The following EML6 variants were observed in gnomAD, a reference collection of about 807,000 sequenced individuals.
EML6 encodes EMAP like 6, also known as echinoderm microtubule-associated protein-like 6.
Under a neutral mutation model 240.1 loss-of-function variants are expected in EML6, and 154 were observed. The ratio of observed to expected loss-of-function variants is 0.64; its 90% confidence interval spans 0.56 to 0.73. EML6 has a LOEUF of 0.73. Among genes scored for constraint, EML6 ranks in the 30% least tolerant of loss-of-function variants. EML6 has a pLI of 0.00. For missense variants in EML6, 2,964 were observed against 2,474.6 expected (o/e 1.20, Z -4.20); for synonymous variants, 1,148 against 899.0 (o/e 1.28, Z -4.95).
intron 2 of EML6, among the ~76,000 whole-genome samples, chr2:54,755,554 C>G (rs1471396877): frequency 1.3e-5 from 2 of 152,180 alleles, no homozygotes; most frequent in African/African-American, 4.8e-5. Flanking sequence ...GAAGTCTTAT[C>G]CATCTTTTGA....
At chr2:54,821,452 A>G (rs1227100069) in intron 5 of EML6, among the ~76,000 whole-genome samples, 1 of 152,178 alleles carries the variant, frequency 6.6e-6, no homozygotes, top group Non-Finnish European at 1.5e-5. Context: ...TTACAAATGT[A>G]TCATTTATCT....
intron 10 of EML6, among the ~76,000 whole-genome samples, chr2:54,852,089 T>C (rs1051105949): frequency 6.6e-6 from 1 of 152,254 alleles, no homozygotes; most frequent in Non-Finnish European, 1.5e-5. Flanking sequence ...TTGAGGATCA[T>C]AGTCCTTATT....
intron 5 of EML6, among the ~76,000 whole-genome samples, chr2:54,823,241 A>C (rs1225230408): frequency 6.6e-6 from 1 of 152,198 alleles, no homozygotes; most frequent in African/African-American, 2.4e-5. Context: ...GCATGTTGTC[A>C]GGATGGAGAT....
intron 21 of EML6, among the ~76,000 whole-genome samples, chr2:54,895,982 C>G (rs1438202233): frequency 2.0e-5 from 3 of 152,212 alleles, no homozygotes; most frequent in Admixed American, 6.5e-5. Context: ...TTGCCATATG[C>G]TGTTGGTTAG....
intron 26 of EML6, among the ~76,000 whole-genome samples, chr2:54,923,415 A>G (rs182532918): frequency 1.7e-4 from 25 of 146,900 alleles, no homozygotes; most frequent in Admixed American, 1.2e-3. Flanking sequence ...AATGGTAACT[A>G]TGTCATGATT....
intron 19 of EML6, among the ~76,000 whole-genome samples, chr2:54,893,440 C>A (rs937630428): frequency 1.3e-5 from 2 of 152,096 alleles, no homozygotes; most frequent in Admixed American, 1.3e-4. Context: ...GTAATGAACC[C>A]ACTCCTACAA....
At chr2:54,817,842 G>C (rs1206308845) in intron 4 of EML6, among the ~76,000 whole-genome samples, 1 of 150,618 alleles carries the variant, frequency 6.6e-6, no homozygotes, top group Non-Finnish European at 1.5e-5. Flanking sequence ...TTGATCTATG[G>C]AGGTTTGTAG....
intron 12 of EML6, among the ~76,000 whole-genome samples, chr2:54,860,051 C>G (rs1670594355): frequency 6.6e-6 from 1 of 152,202 alleles, no homozygotes; most frequent in East Asian, 1.9e-4. Flanking sequence ...AGTTGAGAAA[C>G]TCCTACCCAC....
chr2:54,847,997 C>T (rs1410988989), intron 9 of EML6, among the ~76,000 whole-genome samples: 1 of 152,196 alleles, frequency 6.6e-6, no homozygotes, highest in Non-Finnish European at 1.5e-5. Context: ...TTTCTAAAAT[C>T]TAATGAATAA....
At chr2:54,929,966 A>G (rs1372703749) in intron 28 of EML6, among the ~76,000 whole-genome samples, 4 of 152,230 alleles carry the variant, frequency 2.6e-5, no homozygotes, top group Non-Finnish European at 5.9e-5. Context: ...ATAATTTTTA[A>G]AAGTCCTAAT....
At chr2:54,926,600 G>C (rs1001485261) in intron 26 of EML6, among the ~76,000 whole-genome samples, 21 of 152,220 alleles carry the variant, frequency 1.4e-4, no homozygotes, top group African/African-American at 5.1e-4. Flanking sequence ...ATACATCCCT[G>C]CCAGTGTCTT....
At chr2:54,867,283 G>A (rs58139610) in intron 14 of EML6, 5,973 of 155,504 alleles carry the variant, frequency 0.038, 404 homozygotes, top group African/African-American at 0.13. Context: ...CTGCACATGT[G>A]CCCAACATAA....
intron 26 of EML6, among the ~76,000 whole-genome samples, chr2:54,926,765 T>G (rs1674568899): frequency 6.6e-6 from 1 of 152,206 alleles, no homozygotes; most frequent in South Asian, 2.1e-4. Context: ...TCAGTGGCCC[T>G]GAATTTTTTC....
In EML6 at chr2:54,957,954, G is replaced by A; in HGVS notation, c.4651G>A (p.Gly1551Arg). Reference protein sequence around the residue: ...LYKKGVIGSLGAAKMQTMLSV... With the variant: ...LYKKGVIGSLRAAKMQTMLSV... ...CAAGAAAGGGGTCATCGGGTCCCTG[G>A]GAGCTGCCAAAATGCAGACGATGCT... The change falls in exon 33 of 42, where the codon GGA (glycine) becomes AGA (arginine). Residue 1551 changes from glycine (G) to arginine (R), a missense_variant. Coordinates refer to ENST00000356458, the MANE Select transcript of EML6 (RefSeq NM_001039753.4). The A allele has an allele frequency of 6.4e-7, 1 of 1,551,586 alleles. No individual in the cohort carries two copies. Among genetic ancestry groups the A allele is most frequent in the South Asian group, 1.2e-5 (1 of 84,054 alleles).
At chr2:54,930,041 A>G (rs996686846) in intron 28 of EML6, among the ~76,000 whole-genome samples, 1 of 152,342 alleles carries the variant, frequency 6.6e-6, no homozygotes, top group Admixed American at 6.5e-5. Flanking sequence ...TCCCACTTAA[A>G]TAATCCAATC....
intron 10 of EML6, among the ~76,000 whole-genome samples, chr2:54,850,707 G>A (rs1002554900): frequency 1.3e-5 from 2 of 152,200 alleles, no homozygotes; most frequent in East Asian, 1.9e-4. Context: ...GTCTGATGGC[G>A]AGAAGAGGGG....
chr2:54,930,088 G>GA (rs891032197), intron 28 of EML6, among the ~76,000 whole-genome samples: 47 of 146,576 alleles, frequency 3.2e-4, no homozygotes, highest in Admixed American at 5.4e-4. Flanking sequence ...CATTCCTTTG[G>GA]AAAAAAAAAA....
At chr2:54,951,500 G>A (rs943245545) in intron 30 of EML6, among the ~76,000 whole-genome samples, 9 of 151,712 alleles carry the variant, frequency 5.9e-5, no homozygotes, top group East Asian at 3.9e-4. Flanking sequence ...AGCCAAGATC[G>A]CGCCATTGCA....
chr2:54,894,870 G>T (rs1338378114), intron 19 of EML6, 45 bp from the exon 20 acceptor site: 3 of 1,373,290 alleles, frequency 2.2e-6, no homozygotes, highest in African/African-American at 1.4e-5. Context: ...TGGGTAATTG[G>T]TCATTTTGAT....
Sources: gnomAD v4.1 joint callset for allele counts (sites outside exome capture counted in the v4.1 genomes callset) on GRCh38, gnomAD v4.1.1 for gene constraint, MANE v1.5 for transcripts, NCBI Gene and HGNC (gene_info 2026-07-23, HGNC 2026-07-21) for gene names.